The following AURKA variants were observed in gnomAD, a reference collection of about 807,000 sequenced individuals.
AURKA encodes aurora kinase A, also known as aurora 2.
In AURKA, 12 loss-of-function variants were observed where a neutral mutation model predicts 40.9. The observed-to-expected ratio is 0.29, with a 90% CI of 0.19 to 0.48. AURKA has a LOEUF of 0.48. Ranked by LOEUF, AURKA falls within the 20% of genes least tolerant of loss-of-function variation. The probability of loss-of-function intolerance (pLI) is 0.99; values close to 1 mark genes in which losing one functional copy is unlikely to be tolerated. For synonymous variants in AURKA, 170 were observed against 164.3 expected (o/e 1.03, Z -0.26); for missense variants, 322 against 462.1 (o/e 0.70, Z 2.78).
chr20:56,390,975 C>T (rs571848390), intron 1 of AURKA, among the ~76,000 whole-genome samples: 1 of 152,170 alleles, frequency 6.6e-6, no homozygotes, highest in African/African-American at 2.4e-5. Context: ...ACCTTTCTTT[C>T]TAGGGAAATT....
intron 5 of AURKA, 52 bp downstream of exon 5, chr20:56,382,933 G>A: frequency 6.3e-7 from 1 of 1,593,148 alleles, no homozygotes; most frequent in Non-Finnish European, 8.6e-7. Flanking sequence ...ACAGGAGGGG[G>A]AGGGGTGCAG....
rs1422829430 is a variant in AURKA at position 56,381,520 on chromosome 20, G to C, written c.618C>G (p.Val206=). The change falls in exon 6 of 9, where the codon GTC becomes GTG. Residue 206 remains valine (V), a synonymous_variant. Coordinates refer to ENST00000395915, the MANE Select transcript of AURKA (RefSeq NM_198437.3). ...GTGGTGCATATTCCAGAATTAGGTA[G>C]ACTCTGGTAGCATCATGGAAATAAC... The part of the protein sequence containing the change: ...LYGYFHDATR[V]YLILEYAPLG... 6.2e-7 allele frequency: 1 copy of C among 1,613,726 alleles called. No homozygotes were observed. Among genetic ancestry groups the C allele is most frequent in the Admixed American group, 1.7e-5 (1 of 60,024 alleles).
intron 1 of AURKA, among the ~76,000 whole-genome samples, chr20:56,389,821 C>T (rs180675944): frequency 5.7e-4 from 87 of 152,290 alleles, no homozygotes; most frequent in Non-Finnish European, 9.7e-4. Context: ...GGTTCTCTCT[C>T]GCAAACCCTT....
chr20:56,377,466 C>T (rs548669859), intron 6 of AURKA, among the ~76,000 whole-genome samples: 7 of 151,676 alleles, frequency 4.6e-5, no homozygotes, highest in South Asian at 4.2e-4. Flanking sequence ...GCCTCAAAGA[C>T]GATACACAGA....
chr20:56,385,451 TTC>T (rs1986229986), intron 3 of AURKA, among the ~76,000 whole-genome samples: 1 of 149,764 alleles, frequency 6.7e-6, no homozygotes, highest in Admixed American at 6.7e-5. Flanking sequence ...TATTCAGTAC[TTC>T]CACAGTAAAT....
In AURKA at chr20:56,370,612, A is replaced by G. The variant is rs371787863; in HGVS notation, c.902T>C (p.Ile301Thr). 3.0e-5 allele frequency: 49 copies of G among 1,614,066 alleles called. No homozygotes were observed. The highest frequency in any genetic ancestry group is 1.0e-4 in the Admixed American group (6 of 60,000). Residue 301 changes from isoleucine to threonine, a missense_variant, in exon 8 of 9, where the codon ATT (isoleucine) becomes ACT (threonine). Physicochemically the swap from Ile to Thr is moderately conservative, Grantham distance 89. Transcript: ENST00000395915. ...GTLDYLPPEM[I>T]EGRMHDEKVD... Reference sequence around the variant, plus strand: ...CTTCTCATCATGCATCCGACCTTCAATCATTTCAGGGGGCAGGTAGTCCAG... The same window carrying G: ...CTTCTCATCATGCATCCGACCTTCAGTCATTTCAGGGGGCAGGTAGTCCAG...
chr20:56,385,128 G>A (rs1024088106), intron 3 of AURKA, among the ~76,000 whole-genome samples: 4 of 152,090 alleles, frequency 2.6e-5, no homozygotes, highest in East Asian at 3.8e-4. Flanking sequence ...AGTCTGCATC[G>A]TAAATGAGCT....
At chr20:56,385,531 G>A (rs567979344) in intron 3 of AURKA, among the ~76,000 whole-genome samples, 21 of 150,702 alleles carry the variant, frequency 1.4e-4, no homozygotes, top group African/African-American at 3.9e-4. Flanking sequence ...GCACAATCTC[G>A]GCTCACCACA....
rs148036212 is a variant in AURKA, at chr20:56,392,213, T to G, written c.-51A>C. 1.3e-5 allele frequency: 2 copies of G among 152,362 alleles called. No individual in the cohort carries two copies. The highest frequency in any genetic ancestry group is 4.8e-5 in the African/African-American group (2 of 41,572). The allele number at this position is 152,362 out of a possible 1,614,324, so 9.4% of individuals were successfully genotyped here. ...TCTTCCAAGAGCTCAGCCGTTAGAATTCAAAGGTTCTTCTTTTTAAATAGG... is the reference window on the plus strand; with the variant it reads ...TCTTCCAAGAGCTCAGCCGTTAGAAGTCAAAGGTTCTTCTTTTTAAATAGG... On this transcript the variant is annotated 5_prime_UTR_variant, in exon 1 of 9. Transcript: ENST00000395915.
chr20:56,370,827 G>T (rs986231558), intron 7 of AURKA, among the ~76,000 whole-genome samples, 168 bp from the exon 8 acceptor site: 8 of 152,152 alleles, frequency 5.3e-5, no homozygotes, highest in Non-Finnish European at 8.8e-5. Context: ...GATGAAGCGA[G>T]GTGTGTAAGG....
intron 5 of AURKA, 53 bp downstream of exon 5, chr20:56,382,932 G>A (rs1445719522): frequency 4.1e-5 from 66 of 1,591,970 alleles, no homozygotes; most frequent in Non-Finnish European, 5.4e-5. Context: ...TACAGGAGGG[G>A]GAGGGGTGCA....
At chr20:56,382,507 G>A (rs911160) in intron 5 of AURKA, among the ~76,000 whole-genome samples, 1 of 152,064 alleles carries the variant, frequency 6.6e-6, no homozygotes, top group Non-Finnish European at 1.5e-5. Flanking sequence ...GTAGCTGCTC[G>A]CAATTCCTGC....
intron 1 of AURKA, among the ~76,000 whole-genome samples, chr20:56,388,938 C>A (rs565918644): frequency 6.6e-6 from 1 of 152,276 alleles, no homozygotes; most frequent in African/African-American, 2.4e-5. Context: ...CTCCTCTCCC[C>A]TCCCCTGAGC....
At chr20:56,382,163 C>CAAAAAAAAAAAGG (rs941977280) in intron 5 of AURKA, among the ~76,000 whole-genome samples, 1 of 104,844 alleles carries the variant, frequency 9.5e-6, no homozygotes, top group African/African-American at 3.7e-5. Flanking sequence ...GACTCCATCT[C>CAAAAAAAAAAAGG]AAAAAAAAAA....
At chr20:56,388,014 G>A (rs868381767) in intron 2 of AURKA, 142 bp downstream of exon 2, 11 of 108,124 alleles carry the variant, frequency 1.0e-4, no homozygotes, top group Middle Eastern at 1.2e-3. Context: ...TACTGAACAC[G>A]AGAAAAGTGA....
chr20:56,387,145 C>T (rs1166449435), intron 2 of AURKA, among the ~76,000 whole-genome samples: 3 of 152,202 alleles, frequency 2.0e-5, no homozygotes, highest in East Asian at 3.9e-4. Flanking sequence ...AAAGTTACTA[C>T]TAAAATGTAT....
chr20:56,390,788 T>C (rs1600719953), intron 1 of AURKA: 1 of 152,302 alleles, frequency 6.6e-6, no homozygotes, highest in Admixed American at 6.5e-5. Flanking sequence ...TAAAAGTTGA[T>C]AAACAGCAAC....
At position 56,379,970 on chromosome 20, in the gene AURKA, GA is replaced by G. The variant is rs1199131417; in HGVS notation, c.705+1462del. ...AGAGTGAGATTCCATCTCAAAAAAA[GA>G]AAAAAAAAAAAAGGAAGTGTAAAAA... is the stretch of plus-strand genomic sequence containing the variant. On this transcript the variant is annotated intron_variant, in intron 6 of 8. Transcript: ENST00000395915. Among the ~76,000 whole-genome samples, 114 of 68,874 alleles carry G rather than the reference GA, an allele frequency of 1.7e-3. 1 individual carries two copies. Among genetic ancestry groups the G allele is most frequent in the South Asian group, 5.4e-3 (11 of 2,056 alleles). 45.2% of individuals were successfully genotyped at this position (68,874 alleles called of 152,430 possible).
intron 6 of AURKA, among the ~76,000 whole-genome samples, chr20:56,379,666 G>A (rs892652705): frequency 1.3e-5 from 2 of 152,104 alleles, no homozygotes; most frequent in African/African-American, 4.8e-5. Flanking sequence ...GTATCAGAAA[G>A]TAAGGAAGTA....
Sources: gnomAD v4.1 joint callset for allele counts (sites outside exome capture counted in the v4.1 genomes callset) on GRCh38, gnomAD v4.1.1 for gene constraint, MANE v1.5 for transcripts, NCBI Gene and HGNC (gene_info 2026-07-23, HGNC 2026-07-21) for gene names.